Variants in RALYL observed in about 807,000 individuals in gnomAD.
RALYL encodes RALY RNA binding protein like.
In RALYL, 29 loss-of-function variants were observed where a neutral mutation model predicts 35.1. The observed-to-expected ratio is 0.83, with a 90% CI of 0.61 to 1.13. RALYL has a LOEUF of 1.13. RALYL is among the 50% of genes most tolerant of loss of function. RALYL has a pLI of 0.00. For missense variants in RALYL, 359 were observed against 360.4 expected (o/e 1.00, Z 0.03); for synonymous variants, 120 against 127.6 (o/e 0.94, Z 0.40).
At chr8:84,712,851 A>AT (rs1842410600) in intron 2 of RALYL, among the ~76,000 whole-genome samples, 1 of 152,192 alleles carries the variant, frequency 6.6e-6, no homozygotes, top group African/African-American at 2.4e-5. Context: ...AAATGAAGAT[A>AT]TTAGTCTATC....
intron 5 of RALYL, among the ~76,000 whole-genome samples, chr8:84,850,797 G>T (rs574471171): frequency 2.0e-5 from 3 of 152,310 alleles, no homozygotes; most frequent in East Asian, 3.9e-4. Context: ...CTCTAAGGTT[G>T]AATTAGCTTT....
At chr8:84,266,981 A>AAT in intron 1 of RALYL, among the ~76,000 whole-genome samples, 1 of 151,588 alleles carries the variant, frequency 6.6e-6, no homozygotes, top group Admixed American at 6.6e-5. Context: ...AAAAAAAAAA[A>AAT]ATTGATGTGA....
intron 4 of RALYL, among the ~76,000 whole-genome samples, chr8:84,819,719 A>G (rs1828095998): frequency 6.6e-6 from 1 of 152,228 alleles, no homozygotes; most frequent in African/African-American, 2.4e-5. Flanking sequence ...AAGCAATTGC[A>G]GGTTATAGCA....
In RALYL at chr8:84,183,519, A is replaced by C. The variant is rs1048530587; in HGVS notation, c.-929A>C. The C allele has an allele frequency of 2.0e-5, 3 of 151,916 alleles. No individual in the cohort carries two copies. Among genetic ancestry groups the C allele is most frequent in the African/African-American group, 7.3e-5 (3 of 41,288 alleles). 9.4% of individuals were successfully genotyped at this position (151,916 alleles called of 1,614,324 possible). On this transcript the variant is annotated 5_prime_UTR_variant, in exon 1 of 9. Coordinates refer to ENST00000521268, the MANE Select transcript of RALYL (RefSeq NM_173848.7). ...AAAAACGCGCTTCATTCCTTCTTCC[A>C]CCGCCATACTGTATTTTATACTAAA...
chr8:84,246,852 A>G (rs977397544), intron 1 of RALYL, among the ~76,000 whole-genome samples: 2 of 151,370 alleles, frequency 1.3e-5, no homozygotes. Flanking sequence ...ATCTCCAAGC[A>G]AAAAAAAAGT....
rs1319599538 is a variant in RALYL at position 84,349,272 on chromosome 8, T to C, written c.-24+164848T>C. 2.0e-5 allele frequency among the ~76,000 whole-genome samples: 3 copies of C among 150,428 alleles called. 1 individual carries two copies. The highest frequency in any genetic ancestry group is 4.4e-5 in the Non-Finnish European group (3 of 67,712). On this transcript the variant is annotated intron_variant, in intron 1 of 8. Coordinates refer to ENST00000521268, the MANE Select transcript of RALYL (RefSeq NM_173848.7). ...CCTCTCCAGGGCTAGGTCTACAAAT[T>C]AGATGATTCATTCAGAAAAATGCTA...
chr8:84,425,144 C>G (rs1018247960), intron 1 of RALYL, among the ~76,000 whole-genome samples: 1 of 152,218 alleles, frequency 6.6e-6, no homozygotes, highest in Non-Finnish European at 1.5e-5. Flanking sequence ...CGCCCCTCCC[C>G]CAGCCTCGCT....
intron 1 of RALYL, among the ~76,000 whole-genome samples, chr8:84,428,100 T>A (rs1336084987): frequency 3.3e-4 from 45 of 134,870 alleles, no homozygotes; most frequent in African/African-American, 9.9e-4. Flanking sequence ...TCTCTCTCTC[T>A]CTCTCTCACA....
At chr8:84,495,438 A>C (rs749231580) in intron 1 of RALYL, among the ~76,000 whole-genome samples, 1 of 152,038 alleles carries the variant, frequency 6.6e-6, no homozygotes, top group African/African-American at 2.4e-5. Flanking sequence ...TTGATTTAAA[A>C]TTTTTTATTT....
At chr8:84,458,892 TTC>T (rs1043953801) in intron 1 of RALYL, among the ~76,000 whole-genome samples, 3 of 151,772 alleles carry the variant, frequency 2.0e-5, no homozygotes, top group African/African-American at 7.2e-5. Context: ...GCAGATCACC[TTC>T]TGTCTTAGAT....
intron 2 of RALYL, among the ~76,000 whole-genome samples, chr8:84,770,735 C>A (rs908667534): frequency 2.0e-5 from 3 of 152,028 alleles, no homozygotes; most frequent in African/African-American, 7.2e-5. Flanking sequence ...TTTATTATGG[C>A]CATTCTCATG....
chr8:84,744,068 C>T (rs972760226), intron 2 of RALYL, among the ~76,000 whole-genome samples: 10 of 151,874 alleles, frequency 6.6e-5, no homozygotes, highest in Admixed American at 4.6e-4. Flanking sequence ...GAACTGTACA[C>T]TTAAAATGGT....
At chr8:84,598,364 A>G (rs1196863097) in intron 2 of RALYL, among the ~76,000 whole-genome samples, 1 of 151,992 alleles carries the variant, frequency 6.6e-6, no homozygotes, top group East Asian at 1.9e-4. Context: ...TCTGTTTCTC[A>G]TTTCTGTAGA....
intron 1 of RALYL, among the ~76,000 whole-genome samples, chr8:84,473,167 A>G (rs1367785891): frequency 6.6e-6 from 1 of 152,110 alleles, no homozygotes; most frequent in African/African-American, 2.4e-5. Context: ...AAATATTTTT[A>G]AGAATTAAAC....
intron 1 of RALYL, among the ~76,000 whole-genome samples, chr8:84,374,994 C>T (rs529449157): frequency 6.6e-6 from 1 of 151,958 alleles, no homozygotes; most frequent in South Asian, 2.1e-4. Context: ...AAGCCTGAAT[C>T]ACCTTTATTC....
rs527359251 is a variant in RALYL, at chr8:84,669,201, G to A, written c.257-105378G>A. ...CACCCCTGGACAGTCCATCTCACTG[G>A]GTACACTTTGACTCTGTATGTTAAA... On this transcript the variant is annotated intron_variant, in intron 2 of 8. Transcript: ENST00000521268. 3.9e-5 allele frequency among the ~76,000 whole-genome samples: 6 copies of A among 152,138 alleles called. No individual in the cohort carries two copies. The South Asian group carries it at 1.2e-3, about 32-fold the overall frequency.
chr8:84,238,905 C>T (rs1827232904), intron 1 of RALYL, among the ~76,000 whole-genome samples: 1 of 152,148 alleles, frequency 6.6e-6, no homozygotes, highest in African/African-American at 2.4e-5. Flanking sequence ...CAATCTATAG[C>T]ATGCATCTTG....
intron 1 of RALYL, among the ~76,000 whole-genome samples, chr8:84,408,342 C>T (rs1462419696): frequency 6.6e-6 from 1 of 152,100 alleles, no homozygotes; most frequent in Non-Finnish European, 1.5e-5. Flanking sequence ...ACCTAGCATA[C>T]TCTAATGAGA....
chr8:84,651,801 T>C (rs1309359684), intron 2 of RALYL, among the ~76,000 whole-genome samples: 1 of 152,016 alleles, frequency 6.6e-6, no homozygotes. Flanking sequence ...AGGTAATGTA[T>C]TGAGCCAATT....
Sources: gnomAD v4.1 joint callset for allele counts (sites outside exome capture counted in the v4.1 genomes callset) on GRCh38, gnomAD v4.1.1 for gene constraint, MANE v1.5 for transcripts, NCBI Gene and HGNC (gene_info 2026-07-23, HGNC 2026-07-21) for gene names.